The following LRP2 variants were observed in gnomAD, a reference collection of about 807,000 sequenced individuals.
The protein encoded by LRP2 is low-density lipoprotein receptor-related protein 2.
Under a neutral mutation model 531.0 loss-of-function variants are expected in LRP2, and 172 were observed. The observed-to-expected ratio is 0.32, with a 90% CI of 0.29 to 0.37. The LOEUF is 0.37. LRP2 is among the 10% of genes least tolerant of loss of function. The probability of loss-of-function intolerance (pLI) is 1.00; values close to 1 mark genes in which losing one functional copy is unlikely to be tolerated. For missense variants in LRP2, 5,167 were observed against 5,868.3 expected (o/e 0.88, Z 3.90); for synonymous variants, 1,992 against 2,027.6 (o/e 0.98, Z 0.47).
In LRP2 at chr2:169,198,804, C is replaced by A; in HGVS notation, c.8560G>T (p.Glu2854Ter). ...TACTCACTGCAATAAGTAGGGTTTT[C>A]ATCACTGTTATCTCCACAGTCATTG... ...GDNDCGDNSD[E>*]NPTYCTTHTC... Residue 2854 changes from glutamate (E) to a stop codon, truncating the protein, a stop_gained, in exon 45 of 79, where the codon GAA (glutamate) becomes TAA (stop). Coordinates refer to ENST00000649046, the MANE Select transcript of LRP2 (RefSeq NM_004525.3). LOFTEE classifies it high-confidence loss of function. 1 of 1,613,894 alleles carries A rather than the reference C, an allele frequency of 6.2e-7. No homozygotes were observed. Among genetic ancestry groups the A allele is most frequent in the Non-Finnish European group, 8.5e-7 (1 of 1,179,860 alleles).
intron 76 of LRP2, among the ~76,000 whole-genome samples, chr2:169,136,497 G>A (rs1286031821): frequency 1.3e-5 from 2 of 152,062 alleles, no homozygotes; most frequent in African/African-American, 4.8e-5. Flanking sequence ...AAGTGAAAAT[G>A]GCCTGTTCCT....
intron 1 of LRP2, among the ~76,000 whole-genome samples, chr2:169,345,070 T>A (rs1164623011): frequency 6.6e-6 from 1 of 152,238 alleles, no homozygotes; most frequent in Non-Finnish European, 1.5e-5. Flanking sequence ...AGGAGTTAAT[T>A]GATTTAAGTC....
chr2:169,254,941 C>A (rs186852054), intron 19 of LRP2, among the ~76,000 whole-genome samples: 1 of 151,886 alleles, frequency 6.6e-6, no homozygotes, highest in Non-Finnish European at 1.5e-5. Flanking sequence ...ATTAACTCAT[C>A]AAAAATCTCA....
Position 169,256,147 on chromosome 2 carries a change from A to G in LRP2, c.2729T>C (p.Ile910Thr), listed in dbSNP as rs1369480393. The change falls in exon 19 of 79, where the codon ATA becomes ACA. Residue 910 changes from isoleucine (I) to threonine (T), a missense_variant. Physicochemically the swap from Ile to Thr is moderately conservative, Grantham distance 89 (BLOSUM62 -1). Around this residue, in one of 6 missense-constraint regions of LRP2, gnomAD observed 2,811 missense variants for 3,058.0 expected, o/e 0.92. Transcript: ENST00000649046. ...TCCAAACGGATGTGTCATCTGCTCT[A>G]TATGGCCCAGTCTTCTTCTGTCTAA... ...DGLDRRRLGH[I>T]EQMTHPFGLA... 5 of 1,612,966 alleles carry G rather than the reference A, an allele frequency of 3.1e-6. No homozygotes were observed. The highest frequency in any genetic ancestry group is 3.3e-5 in the Admixed American group (2 of 59,914).
At chr2:169,210,675 A>T (rs1022463518) in intron 37 of LRP2, among the ~76,000 whole-genome samples, 5 of 152,242 alleles carry the variant, frequency 3.3e-5, no homozygotes, top group African/African-American at 4.8e-5. Flanking sequence ...AACTAATGAG[A>T]TATTCCCAGT....
rs372673877 is a variant in LRP2 at position 169,166,949 on chromosome 2, T to C, written c.11636-895A>G. On this transcript the variant is annotated intron_variant, in intron 61 of 78. Coordinates refer to ENST00000649046, the MANE Select transcript of LRP2 (RefSeq NM_004525.3). ...TCAAGAGGAGAGACTTATAATAAGATTGGTTGAGGGGAAAGGGTCAGATCT... is the reference window on the plus strand; with the variant it reads ...TCAAGAGGAGAGACTTATAATAAGACTGGTTGAGGGGAAAGGGTCAGATCT... 2.6e-5 allele frequency among the ~76,000 whole-genome samples: 4 copies of C among 152,256 alleles called. 1 individual carries two copies.
chr2:169,332,726 T>C (rs2105541366), intron 1 of LRP2, among the ~76,000 whole-genome samples: 1 of 152,352 alleles, frequency 6.6e-6, no homozygotes, highest in South Asian at 2.1e-4. Flanking sequence ...TACATATATA[T>C]ATACACACAC....
chr2:169,175,797 G>A (rs1687170709), intron 54 of LRP2, among the ~76,000 whole-genome samples: 1 of 152,184 alleles, frequency 6.6e-6, no homozygotes, highest in Non-Finnish European at 1.5e-5. Flanking sequence ...CACGATAAAT[G>A]TATGCTAGAT....
intron 1 of LRP2, among the ~76,000 whole-genome samples, chr2:169,321,259 G>A (rs944858698): frequency 1.3e-5 from 2 of 151,902 alleles, no homozygotes; most frequent in East Asian, 1.9e-4. Context: ...GATTTTCATC[G>A]CAACATTATT....
chr2:169,290,739 G>A (rs1683977668), intron 8 of LRP2, 106 bp downstream of exon 8: 6 of 1,206,020 alleles, frequency 5.0e-6, no homozygotes, highest in South Asian at 3.9e-5. Context: ...AAGTCTTGGG[G>A]TGCTTTGTTA....
At chr2:169,160,282 A>G (rs1185748269) in intron 63 of LRP2, among the ~76,000 whole-genome samples, 1 of 152,192 alleles carries the variant, frequency 6.6e-6, no homozygotes, top group Non-Finnish European at 1.5e-5. Flanking sequence ...TCTTACCACA[A>G]AAATAATTTT....
chr2:169,333,359 T>TA (rs1685315204), intron 1 of LRP2, among the ~76,000 whole-genome samples: 1 of 151,994 alleles, frequency 6.6e-6, no homozygotes, highest in Non-Finnish European at 1.5e-5. Context: ...CAGGACCTCC[T>TA]AGTACCCAGC....
chr2:169,194,587 G>A (rs1276843990), intron 46 of LRP2, among the ~76,000 whole-genome samples: 2 of 152,108 alleles, frequency 1.3e-5, no homozygotes, highest in African/African-American at 4.8e-5. Flanking sequence ...AAACCCAGGG[G>A]ACCCTGGAAT....
chr2:169,181,604 G>T lies in LRP2; in HGVS notation c.10013C>A (p.Ala3338Glu). 1 of 1,614,076 alleles carries T rather than the reference G, an allele frequency of 6.2e-7. No homozygotes were observed. The highest frequency in any genetic ancestry group is 8.5e-7 in the Non-Finnish European group (1 of 1,180,008). The stretch of plus-strand genomic sequence containing the variant: ...AATGTATGCGCGGTGACCCCAGTCT[G>T]CCCAGTAGAGGTACCTGTCAGGGCA... ...LHPQYGYLYWADWGHRAYIGR... is the reference protein window; with the variant it reads ...LHPQYGYLYWEDWGHRAYIGR... Residue 3338 changes from alanine (A) to glutamate (E), a missense_variant, in exon 52 of 79, where the codon GCA (alanine) becomes GAA (glutamate). Physicochemically the swap from Ala to Glu is moderately radical, Grantham distance 107. Coordinates refer to ENST00000649046, the MANE Select transcript of LRP2 (RefSeq NM_004525.3).
intron 66 of LRP2, 108 bp from the exon 67 acceptor site, chr2:169,153,072 C>T: frequency 1.1e-6 from 1 of 934,110 alleles, no homozygotes; most frequent in South Asian, 1.3e-5. Context: ...TCTCTACCTC[C>T]CTCCTCACTG....
intron 40 of LRP2, 91 bp downstream of exon 40, chr2:169,205,932 T>G: frequency 1.1e-5 from 17 of 1,495,092 alleles, no homozygotes; most frequent in Non-Finnish European, 1.6e-5. Flanking sequence ...TATAAGCCCA[T>G]AACACATTGG....
Position 169,259,048 on chromosome 2 carries a change from C to T in LRP2, c.2490G>A (p.Ser830=), listed in dbSNP as rs112017807. ...ACCCGGCAAAAGGATGAACTACCAC[C>T]GACCGTGGGTTATTTAAATACTGAA... The part of the protein sequence containing the change: ...TVVQYLNNPR[S]VVVHPFAGYL... Residue 830 remains serine (S), a synonymous_variant, in exon 17 of 79, where the codon TCG becomes TCA. Transcript: ENST00000649046. 13 of 1,613,062 alleles carry T rather than the reference C, an allele frequency of 8.1e-6. No homozygotes were observed. Among genetic ancestry groups the T allele is most frequent in the African/African-American group, 4.0e-5 (3 of 74,796 alleles).
intron 2 of LRP2, among the ~76,000 whole-genome samples, chr2:169,319,131 A>C (rs371688302): frequency 4.6e-5 from 7 of 152,258 alleles, no homozygotes; most frequent in African/African-American, 1.7e-4. Context: ...TAAAACAAAC[A>C]GCACACATAC....
At chr2:169,223,475 G>C (rs1207137739) in intron 33 of LRP2, among the ~76,000 whole-genome samples, 1 of 152,202 alleles carries the variant, frequency 6.6e-6, no homozygotes, top group Non-Finnish European at 1.5e-5. Flanking sequence ...ACTTTAGAGA[G>C]ATGTGAGTTT....
Sources: allele counts gnomAD v4.1 joint callset (sites outside exome capture counted in the v4.1 genomes callset), GRCh38; gene constraint gnomAD v4.1.1; regional missense constraint gnomAD v4.1.1; transcripts MANE v1.5; gene names NCBI Gene and HGNC (gene_info 2026-07-23, HGNC 2026-07-21).